The following BMPR2 variants were observed in gnomAD, a reference collection of about 807,000 sequenced individuals.
BMPR2 encodes bone morphogenetic protein receptor type 2, also known as bone morphogenetic protein receptor type-2.
A neutral mutation model predicts 100.8 loss-of-function variants in BMPR2; 29 were observed. The observed-to-expected ratio is 0.29, with a 90% CI of 0.21 to 0.39. BMPR2 has a LOEUF of 0.39. Ranked by LOEUF, BMPR2 falls within the 10% of genes least tolerant of loss-of-function variation. The pLI, the probability that BMPR2 is intolerant of heterozygous loss-of-function variation, is 1.00. For missense variants in BMPR2, 1,011 were observed against 1,274.5 expected, an observed-to-expected ratio of 0.79 and a Z score of 3.15; for synonymous variants, 382 against 442.3, an observed-to-expected ratio of 0.86 and a Z score of 1.71.
chr2:202,492,497 C>T (rs985073934), intron 3 of BMPR2, among the ~76,000 whole-genome samples: 2 of 151,666 alleles, frequency 1.3e-5, no homozygotes, highest in South Asian at 2.1e-4. Flanking sequence ...ACCAGGAGTT[C>T]GAGACCAGCC....
intron 1 of BMPR2, among the ~76,000 whole-genome samples, chr2:202,417,029 G>A (rs1214103058): frequency 6.6e-6 from 1 of 151,248 alleles, no homozygotes; most frequent in African/African-American, 2.4e-5. Flanking sequence ...GTAGAGACGG[G>A]ATTTCACTGT....
In BMPR2 at chr2:202,520,372, C is replaced by CGAAA. The variant is rs971985443; in HGVS notation, c.967+171_967+172insGAAA. The CGAAA allele has an allele frequency of 3.0e-4, 194 of 641,770 alleles. 1 individual carries two copies. The African/African-American group carries it at 3.1e-3, about 10-fold the overall frequency. The allele number at this position is 641,770 out of a possible 1,614,324, so 39.8% of individuals were successfully genotyped here. ...TGCATTTGAAATGTAACAGAAAGAG[C>CGAAA]TTTCCCACGCAGCTGCCAAGATGGC... On this transcript the variant is annotated intron_variant, in intron 7 of 12. Transcript: ENST00000374580.
In BMPR2 at chr2:202,484,358, C is replaced by CCCTTCCTT. The variant is rs71406984; in HGVS notation, c.418+16671_418+16678dup. On this transcript the variant is annotated intron_variant, in intron 3 of 12. Transcript: ENST00000374580. ...TCCTTCCTTCCTTCCCTCCCTCCCT[C>CCCTTCCTT]CCTTCCTTCTTTCCTTCCTTCCGAA... is the stretch of plus-strand genomic sequence containing the variant. Among the ~76,000 whole-genome samples, 6 of 148,084 alleles carry CCCTTCCTT rather than the reference C, an allele frequency of 4.1e-5. 1 individual carries two copies. The South Asian group carries it at 1.3e-3, about 32-fold the overall frequency.
At chr2:202,535,812 C>G (rs1051421114) in intron 9 of BMPR2, among the ~76,000 whole-genome samples, 6 of 152,280 alleles carry the variant, frequency 3.9e-5, no homozygotes, top group South Asian at 2.1e-4. Context: ...ACTGAGTGAA[C>G]GAGACTCCGT....
At chr2:202,439,990 A>G (rs2105937973) in intron 1 of BMPR2, among the ~76,000 whole-genome samples, 1 of 150,400 alleles carries the variant, frequency 6.6e-6, no homozygotes, top group Non-Finnish European at 1.5e-5. Flanking sequence ...TAATCCATTT[A>G]ACCCTGAGTG....
intron 9 of BMPR2, among the ~76,000 whole-genome samples, chr2:202,538,960 G>A (rs1688218177): frequency 6.6e-6 from 1 of 152,126 alleles, no homozygotes; most frequent in Non-Finnish European, 1.5e-5. Flanking sequence ...TTATTTGGGA[G>A]TTGTCTACAT....
intron 2 of BMPR2, 86 bp from the exon 3 acceptor site, chr2:202,467,433 T>A: frequency 8.5e-7 from 1 of 1,175,630 alleles, no homozygotes. Flanking sequence ...CTCTCACATT[T>A]ATTGAAATTA....
intron 1 of BMPR2, among the ~76,000 whole-genome samples, chr2:202,437,440 C>G (rs1374420157): frequency 6.7e-6 from 1 of 150,336 alleles, no homozygotes; most frequent in African/African-American, 2.5e-5. Flanking sequence ...TATACATTTT[C>G]TTTTTTATAA....
intron 1 of BMPR2, among the ~76,000 whole-genome samples, chr2:202,400,298 T>C (rs900306538): frequency 2.0e-5 from 3 of 150,478 alleles, no homozygotes; most frequent in African/African-American, 7.3e-5. Context: ...TATACCACCA[T>C]GCCAAGCTAA....
rs1021501341 is a variant in BMPR2 at position 202,556,603 on chromosome 2, TA to T, written c.2866+74del. 8.7e-6 allele frequency: 13 copies of T among 1,492,598 alleles called. No homozygotes were observed. The African/African-American group carries it at 1.8e-4, about 21-fold the overall frequency. The allele number at this position is 1,492,598 out of a possible 1,614,324, so 92.5% of individuals were successfully genotyped here. On this transcript the variant is annotated intron_variant, in intron 12 of 12. Transcript: ENST00000374580. ...ATTTAAATAACTATTTAGAATCAACTAATAGATATATTTCAACTAGTGATTA... is the reference window on the plus strand; with the variant it reads ...ATTTAAATAACTATTTAGAATCAACTATAGATATATTTCAACTAGTGATTA...
intron 9 of BMPR2, among the ~76,000 whole-genome samples, chr2:202,540,328 A>G (rs1165712912): frequency 6.6e-6 from 1 of 152,170 alleles, no homozygotes; most frequent in Non-Finnish European, 1.5e-5. Flanking sequence ...ATACCTTGCA[A>G]TTCACAGATG....
At chr2:202,422,473 A>AT (rs1332683972) in intron 1 of BMPR2, among the ~76,000 whole-genome samples, 1 of 149,852 alleles carries the variant, frequency 6.7e-6, no homozygotes, top group Non-Finnish European at 1.5e-5. Context: ...TGCCCGGCTA[A>AT]TTTTTTATAT....
chr2:202,448,719 G>C lies in BMPR2; in HGVS notation c.77-16090G>C, dbSNP rs573390765. 1.4e-4 allele frequency among the ~76,000 whole-genome samples: 21 copies of C among 151,826 alleles called. No individual in the cohort carries two copies. In the East Asian group the frequency reaches 4.2e-3, roughly 31 times the overall value. Reference sequence around the variant, plus strand: ...GATCCGCCTGCCTCGGCCTCCCAAAGTGCTGAGATTACAGGCATGAGCCAC... The same window carrying C: ...GATCCGCCTGCCTCGGCCTCCCAAACTGCTGAGATTACAGGCATGAGCCAC... On this transcript the variant is annotated intron_variant, in intron 1 of 12. Coordinates refer to ENST00000374580, the MANE Select transcript of BMPR2 (RefSeq NM_001204.7).
intron 1 of BMPR2, among the ~76,000 whole-genome samples, chr2:202,410,420 G>A (rs1477713335): frequency 6.6e-6 from 1 of 152,138 alleles, no homozygotes; most frequent in Non-Finnish European, 1.5e-5. Flanking sequence ...AAAAATGATA[G>A]GGGCATATGA....
rs573878371 is a variant in BMPR2, at chr2:202,422,349, C to G, written c.77-42460C>G. The stretch of plus-strand genomic sequence containing the variant: ...TGAGACGGAGTCTTGCTCTGTCGCC[C>G]AGGCTGGAGTGCAGTGGGGCGATCT... On this transcript the variant is annotated intron_variant, in intron 1 of 12. Transcript: ENST00000374580. Among the ~76,000 whole-genome samples, 139 of 152,218 alleles carry G rather than the reference C, an allele frequency of 9.1e-4. 1 individual carries two copies. The highest frequency in any genetic ancestry group is 3.2e-3 in the African/African-American group (131 of 41,544).
intron 1 of BMPR2, among the ~76,000 whole-genome samples, chr2:202,394,152 C>G (rs1349747268): frequency 1.3e-5 from 2 of 152,054 alleles, no homozygotes; most frequent in East Asian, 3.8e-4. Context: ...GAGTTCAAGA[C>G]CAGCCTGGCC....
chr2:202,474,770 C>T (rs1692508594), intron 3 of BMPR2: 1 of 152,220 alleles, frequency 6.6e-6, no homozygotes, highest in Non-Finnish European at 1.5e-5. Context: ...ATCCGCCCGC[C>T]TCGGCCTCCC....
intron 1 of BMPR2, among the ~76,000 whole-genome samples, chr2:202,453,369 C>T (rs1393631650): frequency 6.6e-6 from 1 of 152,130 alleles, no homozygotes; most frequent in Non-Finnish European, 1.5e-5. Context: ...CCCCTGTTTA[C>T]TTCACCATTG....
chr2:202,532,844 T>A lies in BMPR2; in HGVS notation c.1276+112T>A. ...ATGTAAGAATCTTTTTACTTTCATT[T>A]AAACCTTTAGTTCATTGCTATCTAG... is the stretch of plus-strand genomic sequence containing the variant. On this transcript the variant is annotated intron_variant, in intron 9 of 12. Coordinates refer to ENST00000374580, the MANE Select transcript of BMPR2 (RefSeq NM_001204.7). The surrounding 1 kb of genome is among the most constrained non-coding windows in gnomAD (Gnocchi z 4.1). The A allele has an allele frequency of 7.8e-7, 1 of 1,274,352 alleles. No homozygotes were observed. Among genetic ancestry groups the A allele is most frequent in the Non-Finnish European group, 1.1e-6 (1 of 913,710 alleles). 78.9% of individuals were successfully genotyped at this position (1,274,352 alleles called of 1,614,324 possible). A position where few individuals can be genotyped will look rare whatever the true frequency, so the allele number is the denominator to read the frequency against.
Sources: gnomAD v4.1 joint callset for allele counts (sites outside exome capture counted in the v4.1 genomes callset) on GRCh38, gnomAD v4.1.1 for gene constraint, Gnocchi (gnomAD v3.1) non-coding constraint, MANE v1.5 for transcripts, NCBI Gene and HGNC (gene_info 2026-07-23, HGNC 2026-07-21) for gene names.